CERK: variants seen among roughly 807,000 people sequenced by gnomAD.
CERK encodes acylsphingosine kinase.
Under a neutral mutation model 63.4 loss-of-function variants are expected in CERK, and 39 were observed. The ratio of observed to expected loss-of-function variants is 0.61; its 90% CI spans 0.48 to 0.80. CERK has a LOEUF of 0.80. CERK is among the 30% of genes least tolerant of loss of function. The pLI is 0.00. For synonymous variants in CERK, 302 were observed against 280.0 expected, an observed-to-expected ratio of 1.08 and a Z score of -0.78; for missense variants, 670 against 714.1, an observed-to-expected ratio of 0.94 and a Z score of 0.70.
intron 1 of CERK, among the ~76,000 whole-genome samples, chr22:46,731,004 G>A (rs1601731756): frequency 6.6e-6 from 1 of 152,364 alleles, no homozygotes; most frequent in Non-Finnish European, 1.5e-5. Flanking sequence ...AAGCCCAAGT[G>A]GCCAACTAGC....
intron 11 of CERK, among the ~76,000 whole-genome samples, chr22:46,690,945 ATATG>A (rs141792806): frequency 1.2e-3 from 188 of 152,212 alleles, no homozygotes; most frequent in African/African-American, 4.1e-3. Context: ...ATGTGTGTGT[ATATG>A]TATGTATGTA....
chr22:46,738,123 G>C lies in CERK; in HGVS notation c.26C>G (p.Pro9Arg). ...CTTCACCCACAGCACGGATTGCAGC[G>C]GCTCCGCCGCCCCCGTCGCCCCCAT... MGATGAAE[P>R]LQSVLWVKQQ... The change falls in exon 1 of 13, where the codon CCG becomes CGG. Residue 9 changes from proline (P) to arginine (R), a missense_variant. Coordinates refer to ENST00000216264, the MANE Select transcript of CERK (RefSeq NM_022766.6). The C allele has an allele frequency of 1.6e-6, 2 of 1,242,372 alleles. No individual in the cohort carries two copies. Among genetic ancestry groups the C allele is most frequent in the Non-Finnish European group, 2.0e-6 (2 of 986,958 alleles). 77.0% of individuals were successfully genotyped at this position (1,242,372 alleles called of 1,614,324 possible).
chr22:46,686,886 G>GC lies in CERK; in HGVS notation c.*247dup, dbSNP rs1434867538. On this transcript the variant is annotated 3_prime_UTR_variant, in exon 13 of 13. Coordinates refer to ENST00000216264, the MANE Select transcript of CERK (RefSeq NM_022766.6). ...CATCGTTAAAACCTAAGAGGCCAGT[G>GC]CCCCCAAGTGAGCAGCTGCATCCGC... 2.1e-6 allele frequency: 1 copy of GC among 482,052 alleles called. No homozygotes were observed. Among genetic ancestry groups the GC allele is most frequent in the East Asian group, 3.5e-5 (1 of 28,792 alleles). The allele number at this position is 482,052 out of a possible 1,614,324, so 29.9% of individuals were successfully genotyped here.
intron 1 of CERK, among the ~76,000 whole-genome samples, chr22:46,726,390 G>C (rs1030519257): frequency 7.2e-5 from 11 of 152,162 alleles, no homozygotes; most frequent in Non-Finnish European, 1.5e-4. Flanking sequence ...GCCAAGTACA[G>C]TGTGGAAGTC....
At chr22:46,695,358 A>T in intron 8 of CERK, 43 bp from the exon 9 acceptor site, 3 of 1,152,668 alleles carry the variant, frequency 2.6e-6, no homozygotes, top group Non-Finnish European at 4.0e-6. Flanking sequence ...CACAAGGGTC[A>T]TTGCTTGGTT....
Position 46,723,110 on chromosome 22 carries a change from T to G in CERK, c.143-2095A>C, listed in dbSNP as rs2082900816. On this transcript the variant is annotated intron_variant, in intron 1 of 12. Coordinates refer to ENST00000216264, the MANE Select transcript of CERK (RefSeq NM_022766.6). ...AGGACCAAGGACGCCCTGGGGTGAATCCAGGCACCTTCTGCCACACTGGAC... is the reference window on the plus strand; with the variant it reads ...AGGACCAAGGACGCCCTGGGGTGAAGCCAGGCACCTTCTGCCACACTGGAC... Among the ~76,000 whole-genome samples, 3 of 152,208 alleles carry G rather than the reference T, an allele frequency of 2.0e-5. No homozygotes were observed. In the South Asian group the frequency reaches 6.2e-4, roughly 32 times the overall value.
In CERK at chr22:46,735,737, G is replaced by T. The variant is rs556258998; in HGVS notation, c.142+2270C>A. Reference sequence around the variant, plus strand: ...AGATACACCTGGGGGAATGGGGAGGGCTGGGCAATGCCACCTTGCTGACCA... The same window carrying T: ...AGATACACCTGGGGGAATGGGGAGGTCTGGGCAATGCCACCTTGCTGACCA... On this transcript the variant is annotated intron_variant, in intron 1 of 12. Coordinates refer to ENST00000216264, the MANE Select transcript of CERK (RefSeq NM_022766.6). Among the ~76,000 whole-genome samples, 3 of 152,266 alleles carry T rather than the reference G, an allele frequency of 2.0e-5. No individual in the cohort carries two copies. In the East Asian group the frequency reaches 5.8e-4, roughly 29 times the overall value.
At position 46,714,097 on chromosome 22, in the gene CERK, C is replaced by G. The variant is rs1005181674; in HGVS notation, c.380-1804G>C. On this transcript the variant is annotated intron_variant, in intron 3 of 12. Transcript: ENST00000216264. The surrounding 1 kb of genome is among the most constrained non-coding windows in gnomAD (Gnocchi z 4.4). ...ACCAGCCTGGGCAACATGGTGAAAC[C>G]CTGTCTCTACTAACAATACAAAAAT... Among the ~76,000 whole-genome samples, 1 of 152,008 alleles carries G rather than the reference C, an allele frequency of 6.6e-6. No individual in the cohort carries two copies. The highest frequency in any genetic ancestry group is 1.5e-5 in the Non-Finnish European group (1 of 68,030).
At chr22:46,707,437 T>G (rs992270850) in intron 6 of CERK, among the ~76,000 whole-genome samples, 28 of 152,008 alleles carry the variant, frequency 1.8e-4, no homozygotes, top group African/African-American at 5.8e-4. Context: ...CCACTCAGTC[T>G]CCTCCCAACT....
intron 6 of CERK, 139 bp downstream of exon 6, chr22:46,707,704 A>ACACTC: frequency 1.1e-6 from 1 of 944,178 alleles, no homozygotes; most frequent in Non-Finnish European, 1.6e-6. Context: ...TCCCCCCAAG[A>ACACTC]GTGGCCCTAA....
At chr22:46,691,823 G>C (rs368586799) in intron 10 of CERK, 46 bp from the exon 11 acceptor site, 2 of 1,546,984 alleles carry the variant, frequency 1.3e-6, no homozygotes, top group Non-Finnish European at 1.8e-6. Context: ...CAATGGCGCC[G>C]GGCAGCGCCC....
chr22:46,692,257 C>T (rs1236428045), intron 10 of CERK, among the ~76,000 whole-genome samples: 1 of 142,626 alleles, frequency 7.0e-6, no homozygotes, highest in African/African-American at 2.6e-5. Context: ...TGAAAACCAT[C>T]TCTACTAAAA....
At chr22:46,702,587 C>T (rs1310348230) in intron 6 of CERK, among the ~76,000 whole-genome samples, 1 of 152,202 alleles carries the variant, frequency 6.6e-6, no homozygotes, top group Non-Finnish European at 1.5e-5. Context: ...CCACACCTGG[C>T]CCTCGTAAAC....
rs1026763220 is a variant in CERK, at chr22:46,719,238, G to A, written c.379+848C>T. 5.9e-5 allele frequency among the ~76,000 whole-genome samples: 9 copies of A among 151,738 alleles called. No homozygotes were observed. In the South Asian group the frequency reaches 8.3e-4, roughly 14 times the overall value. On this transcript the variant is annotated intron_variant, in intron 3 of 12. Coordinates refer to ENST00000216264, the MANE Select transcript of CERK (RefSeq NM_022766.6). The stretch of plus-strand genomic sequence containing the variant: ...GTACATGTGCAGGTTTGTTATATAG[G>A]TAAAGTGCGTGTCATGGGGGTTTGG...
chr22:46,721,768 T>C (rs2082893795), intron 1 of CERK, among the ~76,000 whole-genome samples: 2 of 152,018 alleles, frequency 1.3e-5, no homozygotes, highest in Admixed American at 6.6e-5. Flanking sequence ...AGCCCAAGTG[T>C]GGCGCGAACT....
At chr22:46,703,385 G>A (rs2082797244) in intron 6 of CERK, among the ~76,000 whole-genome samples, 1 of 151,888 alleles carries the variant, frequency 6.6e-6, no homozygotes, top group African/African-American at 2.4e-5. Context: ...AAGACAAGCA[G>A]TGACCTCTGC....
chr22:46,708,865 G>A (rs1411444219), intron 5 of CERK, among the ~76,000 whole-genome samples: 1 of 152,126 alleles, frequency 6.6e-6, no homozygotes, highest in East Asian at 1.9e-4. Context: ...TCCGCCGGTA[G>A]AGGAGCGGTG....
chr22:46,703,469 A>C (rs1435115264), intron 6 of CERK, among the ~76,000 whole-genome samples: 1 of 152,164 alleles, frequency 6.6e-6, no homozygotes, highest in Non-Finnish European at 1.5e-5. Flanking sequence ...GTGCGCATCC[A>C]GGCGGCCTCC....
intron 1 of CERK, 137 bp downstream of exon 1, chr22:46,737,870 C>T (rs1231768022): frequency 1.6e-5 from 8 of 509,444 alleles, no homozygotes; most frequent in African/African-American, 2.1e-5. Context: ...CGACCCCTCC[C>T]TGGCGCCTGC....
Sources: allele counts gnomAD v4.1 joint callset (sites outside exome capture counted in the v4.1 genomes callset), GRCh38; gene constraint gnomAD v4.1.1; non-coding constraint Gnocchi (gnomAD v3.1); transcripts MANE v1.5; gene names NCBI Gene and HGNC (gene_info 2026-07-23, HGNC 2026-07-21).